The following RIMS2 variants were observed in gnomAD, a reference collection of about 807,000 sequenced individuals.
RIMS2 encodes regulating synaptic membrane exocytosis protein 2.
Under a neutral mutation model 174.4 loss-of-function variants are expected in RIMS2, and 59 were observed. That is an observed-to-expected ratio of 0.34 (90% CI 0.27 to 0.42). The LOEUF is 0.42. Among genes scored for constraint, RIMS2 ranks in the 10% least tolerant of loss-of-function variants. The pLI, the probability that RIMS2 is intolerant of heterozygous loss-of-function variation, is 1.00. For missense variants in RIMS2, 1,620 were observed against 1,666.3 expected (o/e 0.97, Z 0.48); for synonymous variants, 606 against 572.5 (o/e 1.06, Z -0.84).
At chr8:103,615,344 C>T (rs910886058) in intron 1 of RIMS2, among the ~76,000 whole-genome samples, 1 of 152,088 alleles carries the variant, frequency 6.6e-6, no homozygotes, top group Admixed American at 6.5e-5. Flanking sequence ...AACAAAGATA[C>T]AACTTACCAG....
intron 14 of RIMS2, among the ~76,000 whole-genome samples, chr8:103,958,645 CA>C (rs1372383141): frequency 1.3e-5 from 2 of 152,002 alleles, no homozygotes; most frequent in East Asian, 3.9e-4. Context: ...GCACCATGTA[CA>C]AAAAACTAAA....
chr8:104,165,879 G>A (rs575322698), intron 19 of RIMS2, among the ~76,000 whole-genome samples: 27 of 151,988 alleles, frequency 1.8e-4, no homozygotes, highest in South Asian at 6.2e-4. Context: ...AAATGGTGTC[G>A]TGCAGGCACT....
At chr8:104,209,754 A>G (rs759977410) in intron 19 of RIMS2, among the ~76,000 whole-genome samples, 2 of 152,220 alleles carry the variant, frequency 1.3e-5, no homozygotes, top group Non-Finnish European at 2.9e-5. Context: ...CTTGCAGAAG[A>G]GGAATTAAAC....
intron 11 of RIMS2, chr8:103,927,950 T>C: frequency 1.4e-6 from 2 of 1,410,970 alleles, no homozygotes; most frequent in Non-Finnish European, 1.9e-6. Context: ...TGTATGTTTT[T>C]GGAAAATGCG....
chr8:104,032,891 A>G (rs1597441259), intron 19 of RIMS2, among the ~76,000 whole-genome samples: 1 of 152,132 alleles, frequency 6.6e-6, no homozygotes, highest in East Asian at 1.9e-4. Context: ...ATTAGAGTAG[A>G]CAAGACAGAT....
chr8:103,626,365 G>T (rs1180060182), intron 1 of RIMS2, among the ~76,000 whole-genome samples: 2 of 151,958 alleles, frequency 1.3e-5, no homozygotes, highest in Non-Finnish European at 2.9e-5. Context: ...AATGAATAGG[G>T]CAGTCATTGA....
chr8:103,817,162 C>T (rs958997727), intron 3 of RIMS2, among the ~76,000 whole-genome samples: 20 of 152,094 alleles, frequency 1.3e-4, no homozygotes, highest in Non-Finnish European at 2.9e-4. Flanking sequence ...AAAATTAAAG[C>T]ACCTCAGGTT....
At chr8:103,754,757 C>CT (rs146496963) in intron 2 of RIMS2, among the ~76,000 whole-genome samples, 9 of 151,950 alleles carry the variant, frequency 5.9e-5, no homozygotes, top group East Asian at 1.9e-4. Flanking sequence ...ATAACCCCTG[C>CT]TTTTTTTTGC....
At chr8:103,629,295 G>T (rs1364928367) in intron 1 of RIMS2, among the ~76,000 whole-genome samples, 1 of 152,218 alleles carries the variant, frequency 6.6e-6, no homozygotes, top group Non-Finnish European at 1.5e-5. Context: ...ATCTGCATAT[G>T]AAGTCCTGGA....
chr8:104,196,236 C>T (rs2099023683), intron 19 of RIMS2, among the ~76,000 whole-genome samples: 1 of 152,248 alleles, frequency 6.6e-6, no homozygotes, highest in East Asian at 1.9e-4. Context: ...TCTGCTTGGA[C>T]ATGCAAGATT....
intron 3 of RIMS2, among the ~76,000 whole-genome samples, chr8:103,835,725 C>T (rs144832322): frequency 1.3e-5 from 2 of 152,274 alleles, no homozygotes; most frequent in African/African-American, 4.8e-5. Context: ...CTGTAATCTT[C>T]ACTTTCATTC....
At chr8:103,590,570 C>T (rs973985841) in intron 1 of RIMS2, among the ~76,000 whole-genome samples, 1 of 151,300 alleles carries the variant, frequency 6.6e-6, no homozygotes, top group Non-Finnish European at 1.5e-5. Context: ...TTATAGTGAA[C>T]ACCCATATAC....
In RIMS2 at chr8:103,608,857, C is replaced by A. The variant is rs182325130; in HGVS notation, c.177-88229C>A. ...GCCTCGCCCTGCTTTGGCTCGCGCACGGTGCACGCACCCACTGACCTGCGC... is the reference window on the plus strand; with the variant it reads ...GCCTCGCCCTGCTTTGGCTCGCGCAAGGTGCACGCACCCACTGACCTGCGC... On this transcript the variant is annotated intron_variant, in intron 1 of 23. Coordinates refer to ENST00000504942, the Ensembl canonical transcript of RIMS2. Among the ~76,000 whole-genome samples the A allele has an allele frequency of 2.6e-5, 4 of 152,320 alleles. No homozygotes were observed. The South Asian group carries it at 8.3e-4, about 32-fold the overall frequency.
At chr8:104,004,575 A>G (rs971771068) in intron 17 of RIMS2, among the ~76,000 whole-genome samples, 1 of 152,186 alleles carries the variant, frequency 6.6e-6, no homozygotes, top group Admixed American at 6.5e-5. Flanking sequence ...GAACTTATCA[A>G]GAAAGTGTGA....
chr8:104,066,259 T>C (rs749051330), intron 19 of RIMS2, among the ~76,000 whole-genome samples: 40 of 152,190 alleles, frequency 2.6e-4, no homozygotes, highest in Non-Finnish European at 5.0e-4. Context: ...GTTATTCACA[T>C]TACTACCTAG....
intron 19 of RIMS2, among the ~76,000 whole-genome samples, chr8:104,190,942 T>G (rs973157203): frequency 2.0e-5 from 3 of 151,924 alleles, no homozygotes; most frequent in Admixed American, 1.3e-4. Context: ...TTTGTTTTTT[T>G]TTTTTGTTTG....
chr8:103,663,463 A>C (rs2136152534), intron 1 of RIMS2, among the ~76,000 whole-genome samples: 1 of 152,320 alleles, frequency 6.6e-6, no homozygotes, highest in East Asian at 1.9e-4. Flanking sequence ...TCAATGTGCA[A>C]AAATCACAAG....
In RIMS2 at chr8:104,143,571, A is replaced by G. The variant is rs540831365; in HGVS notation, c.3335-101345A>G. Among the ~76,000 whole-genome samples, 21 of 152,328 alleles carry G rather than the reference A, an allele frequency of 1.4e-4. No individual in the cohort carries two copies. The East Asian group carries it at 3.5e-3, about 25-fold the overall frequency. On this transcript the variant is annotated intron_variant, in intron 19 of 23. Coordinates refer to ENST00000504942, the Ensembl canonical transcript of RIMS2. ...GGAAGAAAAAGGAAGTAAGCCTTTC[A>G]AGATACCATGTTTAGGAGCTTGACC... is the stretch of plus-strand genomic sequence containing the variant.
At chr8:103,645,289 A>G (rs991581192) in intron 1 of RIMS2, among the ~76,000 whole-genome samples, 3 of 152,096 alleles carry the variant, frequency 2.0e-5, no homozygotes, top group Admixed American at 6.6e-5. Context: ...TCATTCTTGC[A>G]AATAAGATAT....
Sources: gnomAD v4.1 joint callset for allele counts (sites outside exome capture counted in the v4.1 genomes callset) on GRCh38, gnomAD v4.1.1 for gene constraint, MANE v1.5 for transcripts, NCBI Gene and HGNC (gene_info 2026-07-23, HGNC 2026-07-21) for gene names.